SGSM3: variants seen among roughly 807,000 people sequenced by gnomAD.
The protein encoded by SGSM3 is small G protein signaling modulator 3.
In SGSM3, 96 loss-of-function variants were observed where a neutral mutation model predicts 100.5. That is an observed-to-expected ratio of 0.96 (90% confidence interval 0.81 to 1.13). The LOEUF is 1.13. SGSM3 is among the 50% of genes most tolerant of loss of function. The pLI is 0.00. For missense variants in SGSM3, 1,001 were observed against 1,015.8 expected (o/e 0.99, Z 0.20); for synonymous variants, 483 against 422.8 (o/e 1.14, Z -1.75).
chr22:40,382,136 G>A (rs903825777), intron 1 of SGSM3, among the ~76,000 whole-genome samples: 2 of 152,084 alleles, frequency 1.3e-5, no homozygotes, highest in Non-Finnish European at 2.9e-5. Flanking sequence ...CCTGCCATGT[G>A]AGGTCAGGAT....
intron 1 of SGSM3, among the ~76,000 whole-genome samples, chr22:40,374,309 T>G (rs2046163104): frequency 6.6e-6 from 1 of 152,226 alleles, no homozygotes; most frequent in Non-Finnish European, 1.5e-5. Flanking sequence ...TGTGAAGATG[T>G]CACTGGACTG....
Position 40,409,247 on chromosome 22 carries a change from C to T in SGSM3, c.1989-3C>T. 1 of 1,601,092 alleles carries T rather than the reference C, an allele frequency of 6.2e-7. No homozygotes were observed. The highest frequency in any genetic ancestry group is 8.5e-7 in the Non-Finnish European group (1 of 1,175,962). On this transcript the variant is annotated splice_region_variant and splice_polypyrimidine_tract_variant and intron_variant, in intron 19 of 21. Coordinates refer to ENST00000248929, the MANE Select transcript of SGSM3 (RefSeq NM_015705.6). Reference sequence around the variant, plus strand: ...TGCTCCCCACTCCTGGCCATGTCCCCAGTGAGCAGGTGCTGCACCTGTGGC... The same window carrying T: ...TGCTCCCCACTCCTGGCCATGTCCCTAGTGAGCAGGTGCTGCACCTGTGGC...
rs372120695 is a variant in SGSM3 at position 40,407,771 on chromosome 22, G to A, written c.1525-18G>A. ...AGGGCACCCAGCTTTGGTTCCTGCT[G>A]TTTTTCCTCCTGTGCAGATCGTGTC... On this transcript the variant is annotated intron_variant, in intron 13 of 21. Coordinates refer to ENST00000248929, the MANE Select transcript of SGSM3 (RefSeq NM_015705.6). The surrounding 1 kb of genome is among the most constrained non-coding windows in gnomAD (Gnocchi z 4.7). The A allele has an allele frequency of 2.2e-5, 35 of 1,613,966 alleles. No homozygotes were observed. Among genetic ancestry groups the A allele is most frequent in the Non-Finnish European group, 2.6e-5 (31 of 1,180,020 alleles).
In SGSM3 at chr22:40,404,169, T is replaced by A. The variant is rs187330481; in HGVS notation, c.158-78T>A. The A allele has an allele frequency of 2.7e-5, 34 of 1,263,348 alleles. No homozygotes were observed. The East Asian group carries it at 8.2e-4, about 31-fold the overall frequency. 78.3% of individuals were successfully genotyped at this position (1,263,348 alleles called of 1,614,324 possible). ...TAGAGCCATGAAGCTCAGACCCTCC[T>A]GAAGACGGAGGCTTGGCTGCTTGGA... On this transcript the variant is annotated intron_variant, in intron 4 of 21. Coordinates refer to ENST00000248929, the MANE Select transcript of SGSM3 (RefSeq NM_015705.6).
chr22:40,374,470 A>G (rs2046203013), intron 1 of SGSM3, among the ~76,000 whole-genome samples: 1 of 152,234 alleles, frequency 6.6e-6, no homozygotes, highest in Non-Finnish European at 1.5e-5. Context: ...CTGGTAACTG[A>G]GCTACAATTT....
At chr22:40,408,224 T>G (rs558972134) in intron 15 of SGSM3, 53 bp from the exon 16 acceptor site, 1 of 1,607,486 alleles carries the variant, frequency 6.2e-7, no homozygotes. Flanking sequence ...CAGAGGAGGG[T>G]GACTGGCTGC....
In SGSM3 at chr22:40,408,124, A is replaced by C; in HGVS notation, c.1629+4A>C. On this transcript the variant is annotated splice_donor_region_variant and intron_variant, in intron 15 of 21. Coordinates refer to ENST00000248929, the MANE Select transcript of SGSM3 (RefSeq NM_015705.6). ...CCTGGATGAGCGCAGCAAAGAGGTG[A>C]GGGGGGTGGGCGGGCTAGGCACGGC... 4.4e-5 allele frequency: 30 copies of C among 683,100 alleles called. No homozygotes were observed. Among genetic ancestry groups the C allele is most frequent in the Non-Finnish European group, 6.5e-5 (28 of 429,032 alleles). 42.3% of individuals were successfully genotyped at this position (683,100 alleles called of 1,614,324 possible). A position where few individuals can be genotyped will look rare whatever the true frequency, so the allele number is the denominator to read the frequency against.
chr22:40,373,478 C>A (rs1156742522), intron 1 of SGSM3: 1 of 152,200 alleles, frequency 6.6e-6, no homozygotes, highest in Admixed American at 6.5e-5. Flanking sequence ...TGAATATCTA[C>A]TGTGTATATC....
At chr22:40,405,117 TG>T (rs1296824594) in intron 6 of SGSM3, 23 bp from the exon 7 acceptor site, 3 of 1,483,062 alleles carry the variant, frequency 2.0e-6, no homozygotes, top group Non-Finnish European at 1.8e-6. Flanking sequence ...CTTGTTATTG[TG>T]GGTGCCGATG....
intron 1 of SGSM3, among the ~76,000 whole-genome samples, chr22:40,386,257 CT>C (rs2048426831): frequency 1.3e-5 from 2 of 152,262 alleles, no homozygotes; most frequent in South Asian, 4.1e-4. Context: ...GGTTGTCTAA[CT>C]TTTACAACAT....
chr22:40,409,085 G>C, intron 19 of SGSM3, 67 bp downstream of exon 19: 1 of 1,551,236 alleles, frequency 6.4e-7, no homozygotes, highest in Non-Finnish European at 8.7e-7. Flanking sequence ...ATCAGGGGGG[G>C]TCCTTACAGG....
chr22:40,388,719 G>T (rs1354471518), intron 1 of SGSM3, among the ~76,000 whole-genome samples: 2 of 152,192 alleles, frequency 1.3e-5, no homozygotes, highest in African/African-American at 4.8e-5. Flanking sequence ...AGCGACGGCA[G>T]CCTCAACTAG....
At chr22:40,379,807 C>T (rs530782837) in intron 1 of SGSM3, among the ~76,000 whole-genome samples, 23 of 152,236 alleles carry the variant, frequency 1.5e-4, no homozygotes, top group Non-Finnish European at 3.2e-4. Flanking sequence ...CTCCCAGGCC[C>T]AAGCAATCCT....
intron 1 of SGSM3, among the ~76,000 whole-genome samples, chr22:40,394,455 G>A (rs1018358103): frequency 6.6e-6 from 1 of 152,066 alleles, no homozygotes; most frequent in Non-Finnish European, 1.5e-5. Flanking sequence ...AGACCAGCCT[G>A]GCCAACATAG....
intron 1 of SGSM3, among the ~76,000 whole-genome samples, 157 bp downstream of exon 1, chr22:40,370,845 G>C (rs994583919): frequency 1.3e-5 from 2 of 152,148 alleles, no homozygotes; most frequent in Non-Finnish European, 2.9e-5. Flanking sequence ...GAGAGCCGCC[G>C]GGCCGACCTT....
At position 40,407,568 on chromosome 22, in the gene SGSM3, A is replaced by G. The variant is rs965737069; in HGVS notation, c.1524A>G (p.Thr508=). The G allele has an allele frequency of 6.2e-7, 1 of 1,602,294 alleles. No homozygotes were observed. Residue 508 remains threonine, a splice_region_variant and synonymous_variant, in exon 13 of 22, where the codon ACA becomes ACG. Transcript: ENST00000248929. The surrounding 1 kb of genome is among the most constrained non-coding windows in gnomAD (Gnocchi z 4.7). ...ELGFRKNDII[T]IVSQKDEHCW... ...GCTTCCGCAAGAACGACATCATCAC[A>G]GTGCGTGGGGGCGCTGGACTACCAG...
At chr22:40,379,976 G>A (rs771044928) in intron 1 of SGSM3, among the ~76,000 whole-genome samples, 19 of 152,140 alleles carry the variant, frequency 1.2e-4, no homozygotes, top group Non-Finnish European at 2.1e-4. Context: ...CTCCTAAAGT[G>A]CTGGGATTAT....
chr22:40,405,763 C>T lies in SGSM3; in HGVS notation c.733C>T (p.Gln245Ter). 6.2e-7 allele frequency: 1 copy of T among 1,613,758 alleles called. No individual in the cohort carries two copies. Among genetic ancestry groups the T allele is most frequent in the Non-Finnish European group, 8.5e-7 (1 of 1,179,996 alleles). The change falls in exon 8 of 22, where the codon CAG becomes TAG. Residue 245 changes from glutamine to a stop codon, truncating the protein, a stop_gained. Coordinates refer to ENST00000248929, the MANE Select transcript of SGSM3 (RefSeq NM_015705.6). LOFTEE classifies it high-confidence loss of function. ...CTTCAGCACCACCCTGCTGGGTGTC[C>T]AGACTGACCAGCGGGTCCTGCGCCA... ...SYFSTTLLGV[Q>*]TDQRVLRHLI...
chr22:40,404,276 G>C lies in SGSM3; in HGVS notation c.187G>C (p.Ala63Pro), dbSNP rs750985081. ...EGDEPGSSLL[A>P]NSPLMEDAPQ... is the part of the protein sequence containing the mutation. Reference sequence around the variant, plus strand: ...TGATGAGCCTGGCTCCAGTCTGCTGGCGAACTCCCCTCTGATGGAGGATGC... The same window carrying C: ...TGATGAGCCTGGCTCCAGTCTGCTGCCGAACTCCCCTCTGATGGAGGATGC... Residue 63 changes from alanine (A) to proline (P), a missense_variant, in exon 5 of 22, where the codon GCG becomes CCG. Coordinates refer to ENST00000248929, the MANE Select transcript of SGSM3 (RefSeq NM_015705.6). 16 of 1,520,502 alleles carry C rather than the reference G, an allele frequency of 1.1e-5. No homozygotes were observed. Among genetic ancestry groups the C allele is most frequent in the Non-Finnish European group, 1.4e-5 (16 of 1,133,750 alleles). 94.2% of individuals were successfully genotyped at this position (1,520,502 alleles called of 1,614,324 possible). A position where few individuals can be genotyped will look rare whatever the true frequency, so the allele number is the denominator to read the frequency against.
Sources: gnomAD v4.1 joint callset for allele counts (sites outside exome capture counted in the v4.1 genomes callset) on GRCh38, gnomAD v4.1.1 for gene constraint, Gnocchi (gnomAD v3.1) non-coding constraint, MANE v1.5 for transcripts, NCBI Gene and HGNC (gene_info 2026-07-23, HGNC 2026-07-21) for gene names.